Variants in DENND11 observed in about 807,000 individuals in gnomAD.
DENND11 encodes the protein DENN domain containing 11.
Under a neutral mutation model 49.2 loss-of-function variants are expected in DENND11, and 34 were observed. The observed-to-expected ratio is 0.69, with a 90% CI of 0.53 to 0.92. The LOEUF (loss-of-function observed/expected upper bound fraction) is 0.92, where lower values mean the gene tolerates loss of function less well. DENND11 is among the 40% of genes least tolerant of loss of function. The probability of loss-of-function intolerance (pLI) is 0.00; values close to 1 mark genes in which losing one functional copy is unlikely to be tolerated. For synonymous variants in DENND11, 238 were observed against 230.3 expected, an observed-to-expected ratio of 1.03 and a Z score of -0.30; for missense variants, 475 against 581.6, an observed-to-expected ratio of 0.82 and a Z score of 1.88.
At chr7:141,686,700 T>C in intron 1 of DENND11, 42 bp from the exon 2 acceptor site, 1 of 1,436,266 alleles carries the variant, frequency 7.0e-7, no homozygotes, top group Non-Finnish European at 9.7e-7. Flanking sequence ...AACAACATCA[T>C]TCAAAGAAAA....
chr7:141,682,451 T>G (rs1798162338), intron 3 of DENND11, among the ~76,000 whole-genome samples: 1 of 152,200 alleles, frequency 6.6e-6, no homozygotes, highest in South Asian at 2.1e-4. Context: ...TACTTTGCTG[T>G]TGGGTGTGTC....
At chr7:141,688,498 A>G (rs1353514170) in intron 1 of DENND11, among the ~76,000 whole-genome samples, 1 of 152,228 alleles carries the variant, frequency 6.6e-6, no homozygotes, top group Non-Finnish European at 1.5e-5. Flanking sequence ...TCAATTCACT[A>G]AAGTGAAAAG....
Position 141,674,134 on chromosome 7 carries a change from C to A in DENND11, c.614G>T (p.Arg205Ile). ...KKGVLHAGPGRGSSLPPVYWL... is the reference protein window; with the variant it reads ...KKGVLHAGPGIGSSLPPVYWL... ...GTAGACAGGGGGCAGGCTGCTGCCTCTGCCGGGACCAGCATGGAGCACCCC... is the reference window on the plus strand; with the variant it reads ...GTAGACAGGGGGCAGGCTGCTGCCTATGCCGGGACCAGCATGGAGCACCCC... Residue 205 changes from arginine (R) to isoleucine (I), a missense_variant, in exon 4 of 9, where the codon AGA becomes ATA. Transcript: ENST00000536163. 6.3e-7 allele frequency: 1 copy of A among 1,592,330 alleles called. No individual in the cohort carries two copies. The highest frequency in any genetic ancestry group is 2.3e-5 in the East Asian group (1 of 44,014).
chr7:141,696,146 A>G lies in DENND11; in HGVS notation c.268+5740T>C, dbSNP rs148845050. On this transcript the variant is annotated intron_variant, in intron 1 of 8. Coordinates refer to ENST00000536163, the MANE Select transcript of DENND11 (RefSeq NM_001080392.2). ...GATGGTCTGAACCCTGCCACTTCAC[A>G]GCTCCAAAGGTCAGCCTGACAGCTC... Among the ~76,000 whole-genome samples, 18 of 152,276 alleles carry G rather than the reference A, an allele frequency of 1.2e-4. 1 individual carries two copies. In the East Asian group the frequency reaches 2.7e-3, roughly 23 times the overall value.
rs192203959 is a variant in DENND11 at position 141,685,342 on chromosome 7, C to T, written c.527+136G>A. On this transcript the variant is annotated intron_variant, in intron 3 of 8. Coordinates refer to ENST00000536163, the MANE Select transcript of DENND11 (RefSeq NM_001080392.2). ...TGAAACGAAAGGACACCACCCGAGG[C>T]GTGAAACATCGCCATGGATGTTCTT... The T allele has an allele frequency of 2.4e-5, 26 of 1,077,534 alleles. No homozygotes were observed. The African/African-American group carries it at 2.5e-4, about 10-fold the overall frequency. The allele number at this position is 1,077,534 out of a possible 1,614,324, so 66.7% of individuals were successfully genotyped here.
Position 141,664,968 on chromosome 7 carries a change from G to A in DENND11, c.1039C>T (p.Leu347=). 1 of 1,613,780 alleles carries A rather than the reference G, an allele frequency of 6.2e-7. No individual in the cohort carries two copies. The highest frequency in any genetic ancestry group is 8.5e-7 in the Non-Finnish European group (1 of 1,179,812). The change falls in exon 7 of 9, where the codon CTG becomes TTG. Residue 347 remains leucine (L), a synonymous_variant. Transcript: ENST00000536163. ...CTGTTGATCTTCAGCAGCGGCTGCA[G>A]GTGGTCGTGGTGTGTCTTCACATTC... The part of the protein sequence containing the change: ...NQNVKTHHDH[L]QPLLKINSAD...
intron 1 of DENND11, among the ~76,000 whole-genome samples, chr7:141,687,822 G>T (rs1296776242): frequency 6.6e-6 from 1 of 151,984 alleles, no homozygotes; most frequent in Non-Finnish European, 1.5e-5. Flanking sequence ...TTTTAGTGGA[G>T]ACGGGGTTTC....
In DENND11 at chr7:141,662,748, C is replaced by A. The variant is rs766642885; in HGVS notation, c.1276G>T (p.Asp426Tyr). The A allele has an allele frequency of 6.2e-7, 1 of 1,611,710 alleles. No homozygotes were observed. Among genetic ancestry groups the A allele is most frequent in the South Asian group, 1.1e-5 (1 of 90,318 alleles). The change falls in exon 9 of 9, where the codon GAC becomes TAC. Residue 426 changes from aspartate to tyrosine, a missense_variant. By Grantham distance (160) the Asp-to-Tyr change is radical. Transcript: ENST00000536163. ...AGAAAGCTCCGGTCTCCTTGGGGGT[C>A]TAGGCCCATGCCCCGGGCATGCTCT... ...TAEHARGMGLDPQGDRSFLLD... is the reference protein window; with the variant it reads ...TAEHARGMGLYPQGDRSFLLD...
chr7:141,664,807 T>G (rs1423597774), intron 7 of DENND11, 97 bp downstream of exon 7: 21 of 1,327,340 alleles, frequency 1.6e-5, no homozygotes, highest in Admixed American at 2.5e-5. Context: ...GAGAAATGTG[T>G]CAGGGAAGGG....
chr7:141,678,242 C>T (rs566385420), intron 3 of DENND11, among the ~76,000 whole-genome samples: 112 of 151,986 alleles, frequency 7.4e-4, no homozygotes, highest in Non-Finnish European at 1.3e-3. Flanking sequence ...GGATTACAGG[C>T]GTGAGCCACT....
chr7:141,671,466 C>T (rs961855271), intron 4 of DENND11, among the ~76,000 whole-genome samples: 6 of 152,334 alleles, frequency 3.9e-5, no homozygotes, highest in Admixed American at 3.3e-4. Flanking sequence ...CGTGAGCCAC[C>T]ATGCCTGGCC....
intron 4 of DENND11, among the ~76,000 whole-genome samples, chr7:141,670,029 C>T (rs182626936): frequency 0.012 from 1,810 of 150,510 alleles, 51 homozygotes; most frequent in African/African-American, 0.042. Context: ...CCAGGATGGT[C>T]TCGATCTCCT....
At chr7:141,680,710 T>A (rs1798136455) in intron 3 of DENND11, among the ~76,000 whole-genome samples, 1 of 151,688 alleles carries the variant, frequency 6.6e-6, no homozygotes. Context: ...CCAAGGTCTT[T>A]CCCTCTTCCT....
chr7:141,701,696 G>T (rs1346441738), intron 1 of DENND11, 190 bp downstream of exon 1: 3 of 362,514 alleles, frequency 8.3e-6, no homozygotes, highest in Non-Finnish European at 1.3e-5. Flanking sequence ...ACCCAGCTGC[G>T]CCCCGAGGGA....
In DENND11 at chr7:141,662,097, A is replaced by AT. The variant is rs1304428135; in HGVS notation, c.*558dup. On this transcript the variant is annotated 3_prime_UTR_variant, in exon 9 of 9. Coordinates refer to ENST00000536163, the MANE Select transcript of DENND11 (RefSeq NM_001080392.2). ...TAAGCTCATATTTGGTGTCAGAAAC[A>AT]TCCTTTTTTCCCTCTTTGTGGTCCC... 1 of 152,336 alleles carries AT rather than the reference A, an allele frequency of 6.6e-6. No individual in the cohort carries two copies. The highest frequency in any genetic ancestry group is 1.5e-5 in the Non-Finnish European group (1 of 68,136). 9.4% of individuals were successfully genotyped at this position (152,336 alleles called of 1,614,324 possible).
At chr7:141,673,257 C>CA (rs1163951119) in intron 4 of DENND11, among the ~76,000 whole-genome samples, 1 of 150,098 alleles carries the variant, frequency 6.7e-6, no homozygotes, top group African/African-American at 2.4e-5. Flanking sequence ...AAAAAAAAAA[C>CA]AAAAAACATT....
chr7:141,677,814 T>A (rs1798088222), intron 3 of DENND11, among the ~76,000 whole-genome samples: 1 of 152,048 alleles, frequency 6.6e-6, no homozygotes, highest in South Asian at 2.1e-4. Context: ...AAAAGCCCAA[T>A]AACAGTGAAA....
At chr7:141,665,380 AGCCTGC>A in intron 5 of DENND11, 62 bp from the exon 6 acceptor site, 1 of 1,597,774 alleles carries the variant, frequency 6.3e-7, no homozygotes, top group East Asian at 2.3e-5. Context: ...CCTCCCTCGG[AGCCTGC>A]GGCTCAACAC....
intron 3 of DENND11, among the ~76,000 whole-genome samples, chr7:141,683,000 T>C (rs1798172260): frequency 6.9e-6 from 1 of 145,306 alleles, no homozygotes; most frequent in African/African-American, 2.5e-5. Flanking sequence ...AAAAGACATA[T>C]GTGCAAATGT....
Sources: gnomAD v4.1 joint callset for allele counts (sites outside exome capture counted in the v4.1 genomes callset) on GRCh38, gnomAD v4.1.1 for gene constraint, MANE v1.5 for transcripts, NCBI Gene and HGNC (gene_info 2026-07-23, HGNC 2026-07-21) for gene names.